The following TOR1AIP2 variants were observed in gnomAD, a reference collection of about 807,000 sequenced individuals.
TOR1AIP2 encodes the protein torsin-1A-interacting protein 2.
TOR1AIP2 carries 20 observed loss-of-function variants against 32.6 expected under a neutral mutation model. The observed-to-expected ratio is 0.61, with a 90% CI of 0.43 to 0.89. The LOEUF (loss-of-function observed/expected upper bound fraction) is 0.89. TOR1AIP2 is among the 40% of genes least tolerant of loss of function. TOR1AIP2 has a pLI of 0.00. For missense variants in TOR1AIP2, 456 were observed against 553.8 expected, an observed-to-expected ratio of 0.82 and a Z score of 1.77; for synonymous variants, 214 against 210.8, an observed-to-expected ratio of 1.02 and a Z score of -0.13.
At chr1:179,851,924 C>G (rs1462456287) in intron 4 of TOR1AIP2, among the ~76,000 whole-genome samples, 1 of 152,134 alleles carries the variant, frequency 6.6e-6, no homozygotes, top group Non-Finnish European at 1.5e-5. Flanking sequence ...TAAATTATGC[C>G]TCAAGAATAT....
At chr1:179,852,926 T>C (rs908314872) in intron 3 of TOR1AIP2, 115 bp from the exon 4 acceptor site, 29 of 733,064 alleles carry the variant, frequency 4.0e-5, no homozygotes, top group East Asian at 1.7e-4. Context: ...TCTGTGAAAC[T>C]TTTTTCGTGA....
At chr1:179,852,836 A>G (rs1696167698) in intron 3 of TOR1AIP2, 25 bp from the exon 4 acceptor site, 1 of 1,379,040 alleles carries the variant, frequency 7.3e-7, no homozygotes, top group South Asian at 1.7e-5. Context: ...AAAAAAATTA[A>G]ATGACTTTTT....
Position 179,851,122 on chromosome 1 carries a change from C to G in TOR1AIP2, c.276G>C (p.Gln92His), listed in dbSNP as rs765100630. Residue 92 changes from glutamine (Q) to histidine (H), a missense_variant, in exon 5 of 7, where the codon CAG (glutamine) becomes CAC (histidine). Gln to His is a conservative substitution (Grantham distance 24, BLOSUM62 0). Coordinates refer to ENST00000609928, the MANE Select transcript of TOR1AIP2 (RefSeq NM_001199260.2). ...PKDKTEDENK[Q>H]SFLDGGKGHH... ...GCCCTTTTCCGCCATCCAGAAAACT[C>G]TGCTTGTTCTCATCTTCTGTTTTAT... is the stretch of plus-strand genomic sequence containing the variant. 15 of 1,614,178 alleles carry G rather than the reference C, an allele frequency of 9.3e-6. No individual in the cohort carries two copies. In the South Asian group the frequency reaches 1.6e-4, roughly 18 times the overall value.
At chr1:179,857,753 T>G (rs1192433830) in intron 3 of TOR1AIP2, among the ~76,000 whole-genome samples, 1 of 152,220 alleles carries the variant, frequency 6.6e-6, no homozygotes, top group Non-Finnish European at 1.5e-5. Flanking sequence ...TGATGGCTCA[T>G]GCATGTAAGC....
intron 3 of TOR1AIP2, chr1:179,861,982 A>G (rs1051627425): frequency 1.0e-6 from 1 of 985,322 alleles, no homozygotes; most frequent in Non-Finnish European, 1.2e-6. Flanking sequence ...TAACAGGTAC[A>G]TGCCATGGCA....
At chr1:179,875,000 G>GTT (rs935648102) in intron 2 of TOR1AIP2, 1 of 154,542 alleles carries the variant, frequency 6.5e-6, no homozygotes, top group Admixed American at 6.5e-5. Context: ...GGTTTTCTTT[G>GTT]TTTTTTGTTT....
Position 179,846,509 on chromosome 1 carries a change from G to A in TOR1AIP2, c.975C>T (p.Val325=). 1 of 1,614,146 alleles carries A rather than the reference G, an allele frequency of 6.2e-7. No homozygotes were observed. Among genetic ancestry groups the A allele is most frequent in the Non-Finnish European group, 8.5e-7 (1 of 1,180,024 alleles). Residue 325 remains valine, a synonymous_variant, in exon 7 of 7, where the codon GTC becomes GTT. Coordinates refer to ENST00000609928, the MANE Select transcript of TOR1AIP2 (RefSeq NM_001199260.2). The part of the protein sequence containing the change: ...VADAYTSSQK[V]SPIQIDGAGR... ...CAGCCCCATCAATCTGAATGGGAGA[G>A]ACTTTCTGGGAAGAGGTGTAGGCAT...
intron 3 of TOR1AIP2, chr1:179,861,874 T>G: frequency 1.1e-6 from 1 of 950,172 alleles, no homozygotes; most frequent in Non-Finnish European, 1.3e-6. Context: ...TTGTTTTTTT[T>G]TCTTGAAAGA....
Position 179,877,767 on chromosome 1 carries a change from C to G in TOR1AIP2, c.-775G>C, listed in dbSNP as rs1647449302. ...CTTCGAGTATTCTCTCCGCTCCACA[C>G]CGCTCGGCTGCACCCAGCGGCCGCC... On this transcript the variant is annotated 5_prime_UTR_variant, in exon 1 of 7. Coordinates refer to ENST00000609928, the MANE Select transcript of TOR1AIP2 (RefSeq NM_001199260.2). 1 of 152,220 alleles carries G rather than the reference C, an allele frequency of 6.6e-6. No homozygotes were observed. Among genetic ancestry groups the G allele is most frequent in the Non-Finnish European group, 1.5e-5 (1 of 68,056 alleles). The allele number at this position is 152,220 out of a possible 1,614,324, so 9.4% of individuals were successfully genotyped here. A position where few individuals can be genotyped will look rare whatever the true frequency, so the allele number is the denominator to read the frequency against.
intron 3 of TOR1AIP2, among the ~76,000 whole-genome samples, chr1:179,854,325 A>G (rs1696218274): frequency 6.6e-6 from 1 of 152,204 alleles, no homozygotes; most frequent in South Asian, 2.1e-4. Flanking sequence ...TAAAAAAGAG[A>G]TAAGTAAACA....
Position 179,844,605 on chromosome 1 carries a change from A to G in TOR1AIP2, c.*1466T>C, listed in dbSNP as rs1344096299. The stretch of plus-strand genomic sequence containing the variant: ...CTCTATCTCCATACAAACTGTTTTC[A>G]ATCTTTCTTACAATCACAGAACATG... On this transcript the variant is annotated 3_prime_UTR_variant, in exon 7 of 7. Transcript: ENST00000609928. 6.6e-6 allele frequency: 1 copy of G among 152,194 alleles called. No homozygotes were observed. Among genetic ancestry groups the G allele is most frequent in the Non-Finnish European group, 1.5e-5 (1 of 68,032 alleles). The allele number at this position is 152,194 out of a possible 1,614,324, so 9.4% of individuals were successfully genotyped here.
At chr1:179,871,524 A>T (rs1398528994) in intron 2 of TOR1AIP2, among the ~76,000 whole-genome samples, 1 of 152,220 alleles carries the variant, frequency 6.6e-6, no homozygotes, top group Non-Finnish European at 1.5e-5. Context: ...ATAGATAAAA[A>T]TTCCCTTATT....
rs1198973449 is a variant in TOR1AIP2 at position 179,840,405 on chromosome 1, T to C, written c.*5666A>G. The C allele has an allele frequency of 6.6e-6, 1 of 152,176 alleles. No homozygotes were observed. Among genetic ancestry groups the C allele is most frequent in the Non-Finnish European group, 1.5e-5 (1 of 68,022 alleles). The allele number at this position is 152,176 out of a possible 1,614,324, so 9.4% of individuals were successfully genotyped here. On this transcript the variant is annotated 3_prime_UTR_variant, in exon 7 of 7. Transcript: ENST00000609928. Reference sequence around the variant, plus strand: ...TTCTTTTTGGTTCATGTAACTGCGCTTAGCCAAAGGCAAATTTAGTTTATA... The same window carrying C: ...TTCTTTTTGGTTCATGTAACTGCGCCTAGCCAAAGGCAAATTTAGTTTATA...
At position 179,852,568 on chromosome 1, in the gene TOR1AIP2, T is replaced by C. The variant is rs557687833; in HGVS notation, c.34+64A>G. 1.4e-5 allele frequency: 22 copies of C among 1,554,572 alleles called. 1 individual carries two copies. The South Asian group carries it at 2.4e-4, about 17-fold the overall frequency. ...CTCAGATTTTAGTCATCAGAGATTT[T>C]CTCTCTCTGCACACCCCTGGTTTCC... On this transcript the variant is annotated intron_variant, in intron 4 of 6. Transcript: ENST00000609928.
chr1:179,854,770 C>T (rs150454914), intron 3 of TOR1AIP2, among the ~76,000 whole-genome samples: 2,445 of 152,216 alleles, frequency 0.016, 78 homozygotes, highest in African/African-American at 0.056. Flanking sequence ...ACTCAGGAGG[C>T]TGAGGCAAGA....
intron 2 of TOR1AIP2, among the ~76,000 whole-genome samples, chr1:179,870,605 G>T (rs1239631456): frequency 6.6e-6 from 1 of 151,656 alleles, no homozygotes; most frequent in African/African-American, 2.4e-5. Context: ...CTGCAGTCTT[G>T]TAATAATTTC....
At chr1:179,851,534 A>C (rs935554811) in intron 4 of TOR1AIP2, among the ~76,000 whole-genome samples, 171 bp from the exon 5 acceptor site, 8 of 152,168 alleles carry the variant, frequency 5.3e-5, no homozygotes, top group Admixed American at 2.0e-4. Context: ...ACAACAACAA[A>C]AAAAATCTTA....
At chr1:179,874,742 AAGAG>A (rs935916304) in intron 2 of TOR1AIP2, 31 of 152,292 alleles carry the variant, frequency 2.0e-4, no homozygotes, top group Non-Finnish European at 3.7e-4. Context: ...CAGCCTGGAT[AAGAG>A]AGAGAGATCC....
intron 5 of TOR1AIP2, among the ~76,000 whole-genome samples, chr1:179,850,492 A>C (rs1481916875): frequency 1.3e-5 from 2 of 152,268 alleles, no homozygotes; most frequent in Non-Finnish European, 2.9e-5. Flanking sequence ...AAGATTTTAA[A>C]AATTGTAAGT....
Sources: gnomAD v4.1 joint callset for allele counts (sites outside exome capture counted in the v4.1 genomes callset) on GRCh38, gnomAD v4.1.1 for gene constraint, MANE v1.5 for transcripts, NCBI Gene and HGNC (gene_info 2026-07-23, HGNC 2026-07-21) for gene names.